FOCAD: variants seen among roughly 807,000 people sequenced by gnomAD.
FOCAD encodes the protein focadhesin, also known as KIAA1797.
A neutral mutation model predicts 225.6 loss-of-function variants in FOCAD; 198 were observed. That is an observed-to-expected ratio of 0.88 (90% CI 0.78 to 0.99). The LOEUF (loss-of-function observed/expected upper bound fraction) is 0.99, where lower values mean the gene tolerates loss of function less well. FOCAD is among the 50% of genes least tolerant of loss of function. The pLI is 0.00. For missense variants in FOCAD, 2,713 were observed against 2,123.6 expected (o/e 1.28, Z -5.46); for synonymous variants, 897 against 755.0 (o/e 1.19, Z -3.08).
At chr9:20,723,558 G>C (rs1563916381) in intron 4 of FOCAD, among the ~76,000 whole-genome samples, 1 of 152,198 alleles carries the variant, frequency 6.6e-6, no homozygotes, top group Non-Finnish European at 1.5e-5. Context: ...TTTAGGCAAA[G>C]CCTCTGTCCT....
chr9:20,800,585 C>G lies in FOCAD; in HGVS notation c.1455+10977C>G, dbSNP rs193046151. Reference sequence around the variant, plus strand: ...TTTCTCTAAATTTCTCTTCTCGCTTCATTTCATTCATTTGATCTTCCATCA... The same window carrying G: ...TTTCTCTAAATTTCTCTTCTCGCTTGATTTCATTCATTTGATCTTCCATCA... On this transcript the variant is annotated intron_variant, in intron 11 of 43. Coordinates refer to ENST00000338382, the MANE Select transcript of FOCAD (RefSeq NM_001375567.1). Among the ~76,000 whole-genome samples, 258 of 152,226 alleles carry G rather than the reference C, an allele frequency of 1.7e-3. 3 individuals are homozygous for G. The highest frequency in any genetic ancestry group is 3.4e-3 in the Middle Eastern group (1 of 294).
intron 9 of FOCAD, among the ~76,000 whole-genome samples, chr9:20,780,010 C>T (rs1247757774): frequency 6.6e-6 from 1 of 152,188 alleles, no homozygotes; most frequent in East Asian, 1.9e-4. Context: ...CACATGGGAT[C>T]TACCCAAAGG....
Position 20,729,705 on chromosome 9 carries a change from C to T in FOCAD, c.287+9171C>T, listed in dbSNP as rs182910296. Among the ~76,000 whole-genome samples, 226 of 152,204 alleles carry T rather than the reference C, an allele frequency of 1.5e-3. 1 individual carries two copies. The highest frequency in any genetic ancestry group is 5.2e-3 in the African/African-American group (215 of 41,528). ...AATGCTATTCCTGAGGAGTCCTCTG[C>T]ACTGGAACTGAATTTGGAGGAGAGC... On this transcript the variant is annotated intron_variant, in intron 4 of 43. Coordinates refer to ENST00000338382, the MANE Select transcript of FOCAD (RefSeq NM_001375567.1).
At chr9:20,843,524 A>G (rs982523762) in intron 15 of FOCAD, among the ~76,000 whole-genome samples, 1 of 152,020 alleles carries the variant, frequency 6.6e-6, no homozygotes, top group Non-Finnish European at 1.5e-5. Flanking sequence ...TGTTGCTTTT[A>G]GGATCCTTTA....
chr9:20,823,200 A>G (rs1301817494), intron 15 of FOCAD, 85 bp downstream of exon 15: 6 of 1,394,634 alleles, frequency 4.3e-6, no homozygotes, highest in Non-Finnish European at 5.8e-6. Context: ...GATTAGATTC[A>G]AATAACTGAA....
intron 11 of FOCAD, among the ~76,000 whole-genome samples, chr9:20,806,312 G>A (rs1343589092): frequency 1.3e-5 from 2 of 152,160 alleles, no homozygotes; most frequent in African/African-American, 4.8e-5. Flanking sequence ...CAAATGGCAA[G>A]TTTTTGGAGC....
rs536899102 is a variant in FOCAD, at chr9:20,898,294, C to G, written c.2626-8856C>G. Among the ~76,000 whole-genome samples the G allele has an allele frequency of 2.6e-5, 4 of 151,800 alleles. No homozygotes were observed. The East Asian group carries it at 7.8e-4, about 29-fold the overall frequency. On this transcript the variant is annotated intron_variant, in intron 21 of 43. Coordinates refer to ENST00000338382, the MANE Select transcript of FOCAD (RefSeq NM_001375567.1). ...ATGTCTGACATTAATTTGGGAGCAT[C>G]TCAAGATGATTTCAAACATTTCTTC...
intron 21 of FOCAD, among the ~76,000 whole-genome samples, chr9:20,896,442 T>C (rs1832095460): frequency 6.6e-6 from 1 of 151,958 alleles, no homozygotes; most frequent in African/African-American, 2.4e-5. Context: ...TGGTGTGATA[T>C]CCTCCTTAAA....
At chr9:20,797,864 C>T (rs1285054713) in intron 11 of FOCAD, among the ~76,000 whole-genome samples, 1 of 152,062 alleles carries the variant, frequency 6.6e-6, no homozygotes, top group Non-Finnish European at 1.5e-5. Flanking sequence ...ATTGCCCTGG[C>T]CAGAACTTCC....
At chr9:20,852,450 C>A (rs1827752735) in intron 15 of FOCAD, among the ~76,000 whole-genome samples, 1 of 151,092 alleles carries the variant, frequency 6.6e-6, no homozygotes, top group African/African-American at 2.4e-5. Flanking sequence ...TTCTGTTATC[C>A]CCAGATCTGT....
At chr9:20,962,273 C>T (rs1041875656) in intron 35 of FOCAD, among the ~76,000 whole-genome samples, 8 of 151,946 alleles carry the variant, frequency 5.3e-5, no homozygotes, top group African/African-American at 1.9e-4. Context: ...CTGTCTTTTC[C>T]ACTAGGTGTG....
rs191960680 is a variant in FOCAD at position 20,825,240 on chromosome 9, A to G, written c.1920+2125A>G. The stretch of plus-strand genomic sequence containing the variant: ...GTGATGTGTGTTACAGTCATAAAGT[A>G]TACTTGGTATTCACCAGCTCTTGCC... On this transcript the variant is annotated intron_variant, in intron 15 of 43. Transcript: ENST00000338382. 4.1e-3 allele frequency among the ~76,000 whole-genome samples: 625 copies of G among 151,660 alleles called. 2 individuals are homozygous for G. Among genetic ancestry groups the G allele is most frequent in the African/African-American group, 0.014 (594 of 41,342 alleles).
intron 21 of FOCAD, chr9:20,885,577 G>C (rs1587504684): frequency 6.5e-6 from 1 of 154,450 alleles, no homozygotes; most frequent in South Asian, 2.1e-4. Flanking sequence ...AATTATGTAG[G>C]GGACCAGTGT....
At chr9:20,850,370 C>G (rs1169667134) in intron 15 of FOCAD, among the ~76,000 whole-genome samples, 1 of 151,542 alleles carries the variant, frequency 6.6e-6, no homozygotes, top group Non-Finnish European at 1.5e-5. Flanking sequence ...GACAGAAATA[C>G]ACTGTCGAGG....
intron 9 of FOCAD, among the ~76,000 whole-genome samples, chr9:20,779,275 G>A (rs1203515368): frequency 6.6e-6 from 1 of 152,232 alleles, no homozygotes; most frequent in African/African-American, 2.4e-5. Context: ...GAAGAATGTG[G>A]TAAAGAAGCT....
intron 33 of FOCAD, among the ~76,000 whole-genome samples, chr9:20,950,757 C>T (rs148491430): frequency 1.3e-5 from 2 of 152,282 alleles, no homozygotes; most frequent in East Asian, 3.9e-4. Context: ...ACCACTAGTA[C>T]TTTCTGCCAT....
chr9:20,834,809 A>G (rs1242642685), intron 15 of FOCAD, among the ~76,000 whole-genome samples: 1 of 152,068 alleles, frequency 6.6e-6, no homozygotes, highest in Non-Finnish European at 1.5e-5. Context: ...ACATATGGCT[A>G]GTGATCACTT....
chr9:20,715,265 G>A, intron 1 of FOCAD, 57 bp from the exon 2 acceptor site: 2 of 703,910 alleles, frequency 2.8e-6, no homozygotes, highest in Non-Finnish European at 4.4e-6. Context: ...TAATTAATTG[G>A]AGCCCCAATT....
At chr9:20,977,269 T>C (rs779875970) in intron 36 of FOCAD, among the ~76,000 whole-genome samples, 4 of 152,198 alleles carry the variant, frequency 2.6e-5, no homozygotes, top group Admixed American at 6.5e-5. Context: ...AATCTCTCCA[T>C]CTCAAAATCC....
Sources: allele counts gnomAD v4.1 joint callset (sites outside exome capture counted in the v4.1 genomes callset), GRCh38; gene constraint gnomAD v4.1.1; transcripts MANE v1.5; gene names NCBI Gene and HGNC (gene_info 2026-07-23, HGNC 2026-07-21).